Variants in AUTS2 observed in about 807,000 individuals in gnomAD.
The protein encoded by AUTS2 is activator of transcription and developmental regulator AUTS2, also known as autism susceptibility gene 2 protein.
Under a neutral mutation model 112.4 loss-of-function variants are expected in AUTS2, and 17 were observed. The ratio of observed to expected loss-of-function variants is 0.15; its 90% CI spans 0.10 to 0.23. AUTS2 has a LOEUF of 0.23. AUTS2 is among the 10% of genes least tolerant of loss of function. The probability of loss-of-function intolerance (pLI) is 1.00; values close to 1 mark genes in which losing one functional copy is unlikely to be tolerated. For missense variants in AUTS2, 1,510 were observed against 1,701.6 expected, an observed-to-expected ratio of 0.89 and a Z score of 1.98; for synonymous variants, 751 against 702.7, an observed-to-expected ratio of 1.07 and a Z score of -1.09.
intron 1 of AUTS2, among the ~76,000 whole-genome samples, chr7:69,722,360 G>A (rs1156440167): frequency 6.7e-6 from 1 of 148,732 alleles, no homozygotes; most frequent in African/African-American, 2.5e-5. Flanking sequence ...TTGGCAAATG[G>A]AGGTATTCTT....
chr7:70,682,210 A>T (rs1327860655), intron 5 of AUTS2, among the ~76,000 whole-genome samples: 1 of 152,204 alleles, frequency 6.6e-6, no homozygotes, highest in African/African-American at 2.4e-5. Context: ...TTTGGTGGAA[A>T]TGAGAATTCC....
chr7:69,908,400 G>T (rs763446486), intron 2 of AUTS2, among the ~76,000 whole-genome samples: 2 of 152,206 alleles, frequency 1.3e-5, no homozygotes, highest in Non-Finnish European at 2.9e-5. Context: ...TTTATATCAG[G>T]CAGATATAAC....
intron 2 of AUTS2, among the ~76,000 whole-genome samples, chr7:69,968,383 C>G (rs1797713949): frequency 6.6e-6 from 1 of 152,126 alleles, no homozygotes; most frequent in South Asian, 2.1e-4. Flanking sequence ...TTAAACAGTT[C>G]CACTGTATTT....
chr7:70,710,260 GAGAA>G (rs1164152647), intron 6 of AUTS2, among the ~76,000 whole-genome samples: 1 of 152,024 alleles, frequency 6.6e-6, no homozygotes, highest in Non-Finnish European at 1.5e-5. Flanking sequence ...CGAGATACCA[GAGAA>G]AGTGCCCAAG....
At chr7:70,706,965 G>A (rs1462577405) in intron 6 of AUTS2, among the ~76,000 whole-genome samples, 1 of 152,194 alleles carries the variant, frequency 6.6e-6, no homozygotes, top group African/African-American at 2.4e-5. Flanking sequence ...GTGCTTTGAA[G>A]ACGCTTACTA....
At chr7:69,650,147 T>C (rs1167108096) in intron 1 of AUTS2, among the ~76,000 whole-genome samples, 1 of 152,180 alleles carries the variant, frequency 6.6e-6, no homozygotes, top group African/African-American at 2.4e-5. Context: ...ACTTATTAAA[T>C]TGGGCTATTC....
intron 1 of AUTS2, among the ~76,000 whole-genome samples, chr7:69,750,097 A>G (rs971739539): frequency 4.6e-5 from 7 of 152,094 alleles, no homozygotes; most frequent in South Asian, 2.1e-4. Flanking sequence ...TTCATTTGGT[A>G]TGTTCTCTTG....
chr7:70,170,442 G>A lies in AUTS2; in HGVS notation c.660+35871G>A, dbSNP rs543145321. Among the ~76,000 whole-genome samples the A allele has an allele frequency of 1.3e-4, 19 of 151,938 alleles. 1 individual carries two copies. The South Asian group carries it at 3.3e-3, about 27-fold the overall frequency. The stretch of plus-strand genomic sequence containing the variant: ...GGATTACAGGGATTACAGCCACTGC[G>A]CCTAGCCTAAATATATTAATAAGTT... On this transcript the variant is annotated intron_variant, in intron 4 of 18. Coordinates refer to ENST00000342771, the MANE Select transcript of AUTS2 (RefSeq NM_015570.4).
chr7:69,735,016 CA>C (rs1786965287), intron 1 of AUTS2, among the ~76,000 whole-genome samples: 1 of 152,172 alleles, frequency 6.6e-6, no homozygotes, highest in Non-Finnish European at 1.5e-5. Flanking sequence ...AACGATCAAG[CA>C]CATTTGATAT....
intron 5 of AUTS2, among the ~76,000 whole-genome samples, chr7:70,560,376 G>A (rs1372702052): frequency 6.6e-6 from 1 of 152,102 alleles, no homozygotes; most frequent in African/African-American, 2.4e-5. Flanking sequence ...CAAGGACAGG[G>A]GTTTTGTCTG....
intron 5 of AUTS2, among the ~76,000 whole-genome samples, chr7:70,608,448 T>C (rs554304622): frequency 6.6e-6 from 1 of 152,226 alleles, no homozygotes; most frequent in East Asian, 1.9e-4. Flanking sequence ...CATCCTGTGG[T>C]TTTGTCCGGG....
At position 70,768,010 on chromosome 7, in the gene AUTS2, T is replaced by A. The variant is rs772106689; in HGVS notation, c.1690-14T>A. 2 of 1,610,444 alleles carry A rather than the reference T, an allele frequency of 1.2e-6. No homozygotes were observed. Among genetic ancestry groups the A allele is most frequent in the South Asian group, 2.2e-5 (2 of 90,252 alleles). ...CAGATTAAGTAACTAGCTTTTGCTTTGATCCCTTTACAGTTTGACAAATAC... is the reference window on the plus strand; with the variant it reads ...CAGATTAAGTAACTAGCTTTTGCTTAGATCCCTTTACAGTTTGACAAATAC... On this transcript the variant is annotated splice_polypyrimidine_tract_variant and intron_variant, in intron 9 of 18. Coordinates refer to ENST00000342771, the MANE Select transcript of AUTS2 (RefSeq NM_015570.4).
chr7:70,315,491 C>G (rs1789951175), intron 4 of AUTS2, among the ~76,000 whole-genome samples: 1 of 152,124 alleles, frequency 6.6e-6, no homozygotes, highest in Non-Finnish European at 1.5e-5. Context: ...GGTCACTGCC[C>G]CTGGCCTGTC....
At chr7:70,698,162 G>T (rs533578434) in intron 5 of AUTS2, among the ~76,000 whole-genome samples, 1 of 152,204 alleles carries the variant, frequency 6.6e-6, no homozygotes, top group South Asian at 2.1e-4. Context: ...TAAATAATAG[G>T]CATTTCTGAT....
chr7:70,496,849 TCA>T (rs1245890026), intron 5 of AUTS2, among the ~76,000 whole-genome samples: 4 of 67,672 alleles, frequency 5.9e-5, no homozygotes, highest in Non-Finnish European at 8.5e-5. Flanking sequence ...ACGTACACAG[TCA>T]CACACACACA....
At chr7:70,477,464 G>T (rs183608402) in intron 5 of AUTS2, among the ~76,000 whole-genome samples, 29 of 152,272 alleles carry the variant, frequency 1.9e-4, no homozygotes, top group Admixed American at 8.5e-4. Context: ...AACAAACCCA[G>T]AGTGTCTTCT....
intron 5 of AUTS2, among the ~76,000 whole-genome samples, chr7:70,449,433 G>C (rs1165198859): frequency 1.3e-5 from 2 of 152,164 alleles, no homozygotes; most frequent in Admixed American, 1.3e-4. Flanking sequence ...GGTCAGTTAT[G>C]GGTAGAGAGA....
chr7:70,253,917 G>A (rs1284970137), intron 4 of AUTS2, among the ~76,000 whole-genome samples: 3 of 151,976 alleles, frequency 2.0e-5, no homozygotes, highest in Non-Finnish European at 4.4e-5. Context: ...CCTGGGGTGG[G>A]GGCCATGTGC....
At chr7:70,636,182 G>A (rs1003105488) in intron 5 of AUTS2, among the ~76,000 whole-genome samples, 19 of 152,220 alleles carry the variant, frequency 1.2e-4, no homozygotes, top group African/African-American at 4.1e-4. Flanking sequence ...GCTGTGTCAC[G>A]AGGAGTGGCC....
Sources: allele counts gnomAD v4.1 joint callset (sites outside exome capture counted in the v4.1 genomes callset), GRCh38; gene constraint gnomAD v4.1.1; transcripts MANE v1.5; gene names NCBI Gene and HGNC (gene_info 2026-07-23, HGNC 2026-07-21).